CXCL9: variants seen among roughly 807,000 people sequenced by gnomAD.
CXCL9 encodes the protein C-X-C motif chemokine 9.
A neutral mutation model predicts 11.7 loss-of-function variants in CXCL9; 8 were observed. The ratio of observed to expected loss-of-function variants is 0.68; its 90% CI spans 0.40 to 1.23. The LOEUF (loss-of-function observed/expected upper bound fraction) is 1.23. Among genes scored for constraint, CXCL9 ranks in the 50% most tolerant of loss-of-function variants. The probability of loss-of-function intolerance (pLI) is 0.01; values close to 1 mark genes in which losing one functional copy is unlikely to be tolerated. For missense variants in CXCL9, 133 were observed against 141.7 expected (o/e 0.94, Z 0.31); for synonymous variants, 43 against 48.2 (o/e 0.89, Z 0.45).
intron 3 of CXCL9, 25 bp from the exon 4 acceptor site, chr4:76,003,724 C>A (rs1296938178): frequency 7.5e-7 from 1 of 1,330,630 alleles, no homozygotes. Flanking sequence ...GGAAAAAGGG[C>A]AATGTTTCTG....
intron 1 of CXCL9, among the ~76,000 whole-genome samples, chr4:76,007,037 G>C (rs1437669077): frequency 2.0e-5 from 3 of 152,148 alleles, no homozygotes; most frequent in Non-Finnish European, 4.4e-5. Context: ...CAAATTCTCT[G>C]ATTATTGGTT....
At position 76,002,011 on chromosome 4, in the gene CXCL9, A is replaced by G; in HGVS notation, c.*1587T>C. The stretch of plus-strand genomic sequence containing the variant: ...TGCTTCCTCTAGCGCTTAGTACTTC[A>G]CCGTTCCCTTTCTTCATGGGAGATG... On this transcript the variant is annotated 3_prime_UTR_variant, in exon 4 of 4. Coordinates refer to ENST00000264888, the MANE Select transcript of CXCL9 (RefSeq NM_002416.3). 1 of 294,212 alleles carries G rather than the reference A, an allele frequency of 3.4e-6. No individual in the cohort carries two copies. The highest frequency in any genetic ancestry group is 5.3e-5 in the East Asian group (1 of 18,752). The allele number at this position is 294,212 out of a possible 1,614,324, so 18.2% of individuals were successfully genotyped here.
In CXCL9 at chr4:76,006,356, T is replaced by G. The variant is rs1731587118; in HGVS notation, c.65-82A>C. ...GATCTATCAAAATGATACACTTGACTGAGTCATGATTATTGCTATCATTTA... is the reference window on the plus strand; with the variant it reads ...GATCTATCAAAATGATACACTTGACGGAGTCATGATTATTGCTATCATTTA... On this transcript the variant is annotated intron_variant, in intron 1 of 3. Coordinates refer to ENST00000264888, the MANE Select transcript of CXCL9 (RefSeq NM_002416.3). The G allele has an allele frequency of 2.9e-6, 4 of 1,372,512 alleles. No homozygotes were observed. The South Asian group carries it at 5.3e-5, about 18-fold the overall frequency. The allele number at this position is 1,372,512 out of a possible 1,614,324, so 85.0% of individuals were successfully genotyped here. A position where few individuals can be genotyped will look rare whatever the true frequency, so the allele number is the denominator to read the frequency against.
chr4:76,005,958 G>A, intron 2 of CXCL9, 190 bp downstream of exon 2: 1 of 500,344 alleles, frequency 2.0e-6, no homozygotes, highest in Admixed American at 3.1e-5. Flanking sequence ...GTCATTCTTG[G>A]GGCCTAATCT....
intron 3 of CXCL9, 32 bp downstream of exon 3, chr4:76,004,773 AAAAG>A (rs762326022): frequency 7.6e-6 from 12 of 1,582,558 alleles, no homozygotes; most frequent in East Asian, 2.3e-5. Context: ...GTTAATTTCT[AAAAG>A]AAAGAAAATT....
At chr4:76,004,743 C>G (rs997037318) in intron 3 of CXCL9, 66 bp downstream of exon 3, 1 of 1,535,388 alleles carries the variant, frequency 6.5e-7, no homozygotes, top group Admixed American at 2.2e-5. Context: ...AATGAAAAAG[C>G]AGATTCTTTG....
At chr4:76,007,275 C>T (rs2276886) in intron 1 of CXCL9, 111 bp downstream of exon 1, 182,218 of 763,848 alleles carry the variant, frequency 0.24, 23,650 homozygotes, top group East Asian at 0.37. Context: ...TTATGACTGA[C>T]CAAATATTAC....
Position 76,006,055 on chromosome 4 carries a change from T to A in CXCL9, c.191+93A>T, listed in dbSNP as rs1371980604. 7 of 1,173,552 alleles carry A rather than the reference T, an allele frequency of 6.0e-6. No homozygotes were observed. In the East Asian group the frequency reaches 1.7e-4, roughly 29 times the overall value. The allele number at this position is 1,173,552 out of a possible 1,614,324, so 72.7% of individuals were successfully genotyped here. ...GGGGTAACCATCTGATTTTTAAGTG[T>A]TTGTATGGGCAAGCACTCCAAGGGT... On this transcript the variant is annotated intron_variant, in intron 2 of 3. Transcript: ENST00000264888.
intron 2 of CXCL9, 142 bp from the exon 3 acceptor site, chr4:76,005,035 A>C: frequency 8.1e-7 from 1 of 1,237,764 alleles, no homozygotes; most frequent in Non-Finnish European, 1.0e-6. Context: ...AAGATGAGTC[A>C]CTGGTTGAAT....
rs754344963 is a variant in CXCL9, at chr4:76,007,457, G to C, written c.-8C>G. 3 of 1,549,746 alleles carry C rather than the reference G, an allele frequency of 1.9e-6. No individual in the cohort carries two copies. Among genetic ancestry groups the C allele is most frequent in the Non-Finnish European group, 2.7e-6 (3 of 1,121,384 alleles). ...AACACCACTTTTCTTCATAGTGATAGAATGGAGTTCCAAGTCACTCCTGTA... is the reference window on the plus strand; with the variant it reads ...AACACCACTTTTCTTCATAGTGATACAATGGAGTTCCAAGTCACTCCTGTA... On this transcript the variant is annotated 5_prime_UTR_variant, in exon 1 of 4. Coordinates refer to ENST00000264888, the MANE Select transcript of CXCL9 (RefSeq NM_002416.3).
intron 3 of CXCL9, 91 bp from the exon 4 acceptor site, chr4:76,003,790 C>T: frequency 2.7e-6 from 2 of 733,458 alleles, no homozygotes; most frequent in Non-Finnish European, 4.7e-6. Flanking sequence ...TGTCTCATAC[C>T]CACATAGTCT....
rs1026410367 is a variant in CXCL9 at position 76,001,382 on chromosome 4, A to T, written c.*2216T>A. Reference sequence around the variant, plus strand: ...TTACACTTTATTTGAGAGAAAGCTAAAAAGTAAATAAGGACATATAAGATT... The same window carrying T: ...TTACACTTTATTTGAGAGAAAGCTATAAAGTAAATAAGGACATATAAGATT... On this transcript the variant is annotated 3_prime_UTR_variant, in exon 4 of 4. Transcript: ENST00000264888. The T allele has an allele frequency of 1.3e-5, 2 of 152,232 alleles. No homozygotes were observed. The highest frequency in any genetic ancestry group is 4.8e-5 in the African/African-American group (2 of 41,452). 9.4% of individuals were successfully genotyped at this position (152,232 alleles called of 1,614,324 possible).
At chr4:76,004,183 T>C (rs955359687) in intron 3 of CXCL9, among the ~76,000 whole-genome samples, 3 of 152,188 alleles carry the variant, frequency 2.0e-5, no homozygotes, top group African/African-American at 7.2e-5. Context: ...CGCTTTGTCC[T>C]GATCTACTTT....
Position 76,002,643 on chromosome 4 carries a change from A to G in CXCL9, c.*955T>C. 3.0e-6 allele frequency: 1 copy of G among 328,022 alleles called. No individual in the cohort carries two copies. The highest frequency in any genetic ancestry group is 4.6e-5 in the East Asian group (1 of 21,650). The allele number at this position is 328,022 out of a possible 1,614,324, so 20.3% of individuals were successfully genotyped here. On this transcript the variant is annotated 3_prime_UTR_variant, in exon 4 of 4. Coordinates refer to ENST00000264888, the MANE Select transcript of CXCL9 (RefSeq NM_002416.3). ...CAAGGAGCTGACAATCTGGTTGGAGAGATAGGATAAACACCCAAGAATTAG... is the reference window on the plus strand; with the variant it reads ...CAAGGAGCTGACAATCTGGTTGGAGGGATAGGATAAACACCCAAGAATTAG...
chr4:76,006,329 G>A, intron 1 of CXCL9, 55 bp from the exon 2 acceptor site: 1 of 1,543,644 alleles, frequency 6.5e-7, no homozygotes, highest in Non-Finnish European at 8.8e-7. Flanking sequence ...TTCAGTTTAG[G>A]TGATCTATCA....
Position 76,003,358 on chromosome 4 carries a change from T to C in CXCL9, c.*240A>G. The C allele has an allele frequency of 2.1e-6, 1 of 467,142 alleles. No homozygotes were observed. The highest frequency in any genetic ancestry group is 3.8e-6 in the Non-Finnish European group (1 of 263,856). 28.9% of individuals were successfully genotyped at this position (467,142 alleles called of 1,614,324 possible). A position where few individuals can be genotyped will look rare whatever the true frequency, so the allele number is the denominator to read the frequency against. On this transcript the variant is annotated 3_prime_UTR_variant, in exon 4 of 4. Coordinates refer to ENST00000264888, the MANE Select transcript of CXCL9 (RefSeq NM_002416.3). ...ATTGCTAAAATCATGGCCTTAAGCATGATGAAATTCAACTGGTGGGTGGTA... is the reference window on the plus strand; with the variant it reads ...ATTGCTAAAATCATGGCCTTAAGCACGATGAAATTCAACTGGTGGGTGGTA...
In CXCL9 at chr4:76,001,937, C is replaced by T. The variant is rs776000188; in HGVS notation, c.*1661G>A. 54 of 200,918 alleles carry T rather than the reference C, an allele frequency of 2.7e-4. No individual in the cohort carries two copies. Among genetic ancestry groups the T allele is most frequent in the Non-Finnish European group, 4.5e-4 (45 of 100,250 alleles). 12.4% of individuals were successfully genotyped at this position (200,918 alleles called of 1,614,324 possible). A position where few individuals can be genotyped will look rare whatever the true frequency, so the allele number is the denominator to read the frequency against. ...TCCCCTGGAAGGAGGTTTCCACATC[C>T]TGCAGAGGCTAACTGGGCACCAATC... On this transcript the variant is annotated 3_prime_UTR_variant, in exon 4 of 4. Transcript: ENST00000264888.
At chr4:76,004,665 A>T (rs1731549771) in intron 3 of CXCL9, 144 bp downstream of exon 3, 1 of 1,271,146 alleles carries the variant, frequency 7.9e-7, no homozygotes, top group Admixed American at 3.7e-5. Context: ...TTGTCCTAGG[A>T]ACAAAATAGA....
chr4:76,004,297 T>C lies in CXCL9; in HGVS notation c.276+512A>G, dbSNP rs143750212. On this transcript the variant is annotated intron_variant, in intron 3 of 3. Coordinates refer to ENST00000264888, the MANE Select transcript of CXCL9 (RefSeq NM_002416.3). ...CATGATTCTACTCTTCTGCTCATGC[T>C]GTCCTTACCTTCCTGGCAAATTATT... is the stretch of plus-strand genomic sequence containing the variant. 1.5e-3 allele frequency among the ~76,000 whole-genome samples: 231 copies of C among 152,354 alleles called. 3 individuals are homozygous for C. The highest frequency in any genetic ancestry group is 5.1e-3 in the African/African-American group (213 of 41,586).
Sources: allele counts gnomAD v4.1 joint callset (sites outside exome capture counted in the v4.1 genomes callset), GRCh38; gene constraint gnomAD v4.1.1; transcripts MANE v1.5; gene names NCBI Gene and HGNC (gene_info 2026-07-23, HGNC 2026-07-21).